Variants in MAPKAPK5 observed in about 807,000 individuals in gnomAD.
The protein encoded by MAPKAPK5 is MAPK activated protein kinase 5.
In MAPKAPK5, 30 loss-of-function variants were observed where a neutral mutation model predicts 65.1. That is an observed-to-expected ratio of 0.46 (90% CI 0.34 to 0.63). The LOEUF (loss-of-function observed/expected upper bound fraction) is 0.63, where lower values mean the gene tolerates loss of function less well. MAPKAPK5 is among the 20% of genes least tolerant of loss of function. MAPKAPK5 has a pLI of 0.01. For synonymous variants in MAPKAPK5, 179 were observed against 204.6 expected (o/e 0.87, Z 1.07); for missense variants, 433 against 581.4 (o/e 0.74, Z 2.63).
chr12:111,874,932 G>A (rs1011187470), intron 7 of MAPKAPK5, among the ~76,000 whole-genome samples: 2 of 151,386 alleles, frequency 1.3e-5, no homozygotes, highest in Admixed American at 6.6e-5. Context: ...CCGCCACCAC[G>A]CCCGGCTAAT....
At chr12:111,889,887 G>A in intron 12 of MAPKAPK5, 153 bp from the exon 13 acceptor site, 1 of 606,388 alleles carries the variant, frequency 1.6e-6, no homozygotes, top group South Asian at 1.9e-5. Context: ...TCTACATAAT[G>A]TAGGGACTAG....
At chr12:111,865,408 G>C in intron 2 of MAPKAPK5, 85 bp downstream of exon 2, 2 of 906,548 alleles carry the variant, frequency 2.2e-6, no homozygotes, top group Non-Finnish European at 3.5e-6. Context: ...TCTTGAATTA[G>C]ACACATCAGG....
chr12:111,885,882 G>A (rs1447875541), intron 9 of MAPKAPK5, 34 bp from the exon 10 acceptor site: 1 of 1,613,682 alleles, frequency 6.2e-7, no homozygotes, highest in Non-Finnish European at 8.5e-7. Flanking sequence ...GGTAGCAACT[G>A]TGCATGGCAG....
rs184271645 is a variant in MAPKAPK5, at chr12:111,850,966, G to A, written c.36+8197G>A. Among the ~76,000 whole-genome samples, 881 of 148,832 alleles carry A rather than the reference G, an allele frequency of 5.9e-3. 11 individuals carry two copies. The highest frequency in any genetic ancestry group is 0.021 in the African/African-American group (828 of 40,208). ...CAGGCTGGAGTGCAGTGGCACGATCGCGGCTCACTGCAAGCTCTGCCTCCT... is the reference window on the plus strand; with the variant it reads ...CAGGCTGGAGTGCAGTGGCACGATCACGGCTCACTGCAAGCTCTGCCTCCT... On this transcript the variant is annotated intron_variant, in intron 1 of 13. Coordinates refer to ENST00000550735, the MANE Select transcript of MAPKAPK5 (RefSeq NM_003668.4).
chr12:111,845,017 A>G (rs1251700645), intron 1 of MAPKAPK5, among the ~76,000 whole-genome samples: 2 of 152,216 alleles, frequency 1.3e-5, no homozygotes, highest in African/African-American at 4.8e-5. Flanking sequence ...ACTATAGGAG[A>G]GTTTTGAACA....
At chr12:111,892,907 C>A in intron 13 of MAPKAPK5, 60 bp from the exon 14 acceptor site, 1 of 1,275,342 alleles carries the variant, frequency 7.8e-7, no homozygotes, top group Non-Finnish European at 1.1e-6. Flanking sequence ...GGGTCTCTGT[C>A]AAGAGTCTGC....
At chr12:111,858,718 T>C (rs2069328843) in intron 1 of MAPKAPK5, among the ~76,000 whole-genome samples, 1 of 144,212 alleles carries the variant, frequency 6.9e-6, no homozygotes, top group African/African-American at 2.6e-5. Context: ...AATTTTTGTA[T>C]TTTTAGTAGA....
intron 8 of MAPKAPK5, 51 bp downstream of exon 8, chr12:111,880,578 T>C (rs1477502714): frequency 2.0e-6 from 3 of 1,515,720 alleles, no homozygotes; most frequent in African/African-American, 2.7e-5. Context: ...CCCTCTCCTT[T>C]AGTGAGGTGT....
chr12:111,900,488 C>A lies in MAPKAPK5; in HGVS notation c.*7427C>A, dbSNP rs1184123510. Reference sequence around the variant, plus strand: ...GCTTCAGCAGCTGCAGCTCTGACTACTTCTACCAGTTCCTTCGAGAACACA... The same window carrying A: ...GCTTCAGCAGCTGCAGCTCTGACTAATTCTACCAGTTCCTTCGAGAACACA... On this transcript the variant is annotated 3_prime_UTR_variant, in exon 14 of 14. Coordinates refer to ENST00000550735, the MANE Select transcript of MAPKAPK5 (RefSeq NM_003668.4). 1 of 456,084 alleles carries A rather than the reference C, an allele frequency of 2.2e-6. No individual in the cohort carries two copies. Among genetic ancestry groups the A allele is most frequent in the Non-Finnish European group, 4.4e-6 (1 of 226,808 alleles). 28.3% of individuals were successfully genotyped at this position (456,084 alleles called of 1,614,324 possible). A position where few individuals can be genotyped will look rare whatever the true frequency, so the allele number is the denominator to read the frequency against.
At chr12:111,861,528 A>G (rs574055306) in intron 1 of MAPKAPK5, among the ~76,000 whole-genome samples, 1 of 152,096 alleles carries the variant, frequency 6.6e-6, no homozygotes, top group Admixed American at 6.5e-5. Flanking sequence ...GGGTTTCACC[A>G]TGTTGGTCAG....
At chr12:111,891,068 C>T (rs886618147) in intron 13 of MAPKAPK5, among the ~76,000 whole-genome samples, 15 of 151,964 alleles carry the variant, frequency 9.9e-5, no homozygotes, top group African/African-American at 1.9e-4. Context: ...CACTTGTTTC[C>T]GCGTTTTTTT....
chr12:111,884,267 G>C (rs1004919905), intron 9 of MAPKAPK5, among the ~76,000 whole-genome samples: 2 of 152,168 alleles, frequency 1.3e-5, no homozygotes, highest in Non-Finnish European at 1.5e-5. Flanking sequence ...GTGGAGTGCA[G>C]TGGTACAATC....
intron 10 of MAPKAPK5, among the ~76,000 whole-genome samples, chr12:111,886,436 G>A (rs2070406042): frequency 6.6e-6 from 1 of 152,196 alleles, no homozygotes; most frequent in Admixed American, 6.5e-5. Flanking sequence ...GAATGCTGTG[G>A]GAATTCAGAA....
chr12:111,844,071 C>T (rs1348629629), intron 1 of MAPKAPK5, among the ~76,000 whole-genome samples: 1 of 152,206 alleles, frequency 6.6e-6, no homozygotes, highest in African/African-American at 2.4e-5. Flanking sequence ...ATCTGCCCGC[C>T]TTGGCCTCCC....
intron 8 of MAPKAPK5, among the ~76,000 whole-genome samples, 186 bp downstream of exon 8, chr12:111,880,713 A>G (rs935336285): frequency 6.6e-6 from 1 of 152,230 alleles, no homozygotes; most frequent in African/African-American, 2.4e-5. Context: ...ATATCAGATA[A>G]GGTTCAGCCA....
rs778071951 is a variant in MAPKAPK5, at chr12:111,885,940, G to C, written c.873G>C (p.Glu291Asp). 1 of 1,613,978 alleles carries C rather than the reference G, an allele frequency of 6.2e-7. No homozygotes were observed. The highest frequency in any genetic ancestry group is 8.5e-7 in the Non-Finnish European group (1 of 1,179,884). Residue 291 changes from glutamate to aspartate, a missense_variant, in exon 10 of 14, where the codon GAG becomes GAC. Physicochemically the swap from Glu to Asp is conservative, Grantham distance 45. Coordinates refer to ENST00000550735, the MANE Select transcript of MAPKAPK5 (RefSeq NM_003668.4). ...GGCTCCTGAAGGTCAAACCGGAGGA[G>C]AGACTCACCATCGAGGGAGTGCTGG... ...VRKLLKVKPEERLTIEGVLDH... is the reference protein window; with the variant it reads ...VRKLLKVKPEDRLTIEGVLDH...
In MAPKAPK5 at chr12:111,842,274, C is replaced by G. The variant is rs1036563156; in HGVS notation, c.-460C>G. The G allele has an allele frequency of 1.3e-5, 2 of 150,704 alleles. No homozygotes were observed. Among genetic ancestry groups the G allele is most frequent in the Non-Finnish European group, 1.4e-5 (1 of 69,226 alleles). 9.3% of individuals were successfully genotyped at this position (150,704 alleles called of 1,614,324 possible). On this transcript the variant is annotated 5_prime_UTR_variant, in exon 1 of 14. Transcript: ENST00000550735. Reference sequence around the variant, plus strand: ...GAGGCGGCGGCGGGAGCAGCGGCGCCGAGCTCTGCTTCGGCTTCGGCTTCG... The same window carrying G: ...GAGGCGGCGGCGGGAGCAGCGGCGCGGAGCTCTGCTTCGGCTTCGGCTTCG...
Position 111,896,843 on chromosome 12 carries a change from A to G in MAPKAPK5, c.*3782A>G, listed in dbSNP as rs541093841. 6.6e-6 allele frequency: 1 copy of G among 152,188 alleles called. No individual in the cohort carries two copies. Among genetic ancestry groups the G allele is most frequent in the African/African-American group, 2.4e-5 (1 of 41,536 alleles). The allele number at this position is 152,188 out of a possible 1,614,324, so 9.4% of individuals were successfully genotyped here. ...TCTGAATTTACTGTTTGAAACATAG[A>G]TGAGGCTCAGCGTGGTGGCTCATGC... is the stretch of plus-strand genomic sequence containing the variant. On this transcript the variant is annotated 3_prime_UTR_variant, in exon 14 of 14. Transcript: ENST00000550735.
At position 111,899,928 on chromosome 12, in the gene MAPKAPK5, G is replaced by A. The variant is rs1193836101; in HGVS notation, c.*6867G>A. 2 of 456,088 alleles carry A rather than the reference G, an allele frequency of 4.4e-6. No homozygotes were observed. Among genetic ancestry groups the A allele is most frequent in the South Asian group, 1.5e-5 (1 of 64,562 alleles). 28.3% of individuals were successfully genotyped at this position (456,088 alleles called of 1,614,324 possible). A position where few individuals can be genotyped will look rare whatever the true frequency, so the allele number is the denominator to read the frequency against. ...GAGCAGGAAGCCTCATGATCTACAG[G>A]CACTGTCCTACTTGTGGTCACACAA... On this transcript the variant is annotated 3_prime_UTR_variant, in exon 14 of 14. Transcript: ENST00000550735.
Sources: gnomAD v4.1 joint callset for allele counts (sites outside exome capture counted in the v4.1 genomes callset) on GRCh38, gnomAD v4.1.1 for gene constraint, MANE v1.5 for transcripts, NCBI Gene and HGNC (gene_info 2026-07-23, HGNC 2026-07-21) for gene names.